Variants in PDE7B observed in about 807,000 individuals in gnomAD.
PDE7B encodes 3',5'-cyclic-AMP phosphodiesterase 7B.
Under a neutral mutation model 56.2 loss-of-function variants are expected in PDE7B, and 29 were observed. That is an observed-to-expected ratio of 0.52 (90% CI 0.38 to 0.70). The LOEUF (loss-of-function observed/expected upper bound fraction) is 0.70. Among genes scored for constraint, PDE7B ranks in the 30% least tolerant of loss-of-function variants. The pLI, the probability that PDE7B is intolerant of heterozygous loss-of-function variation, is 0.00. For missense variants in PDE7B, 490 were observed against 565.0 expected (o/e 0.87, Z 1.35); for synonymous variants, 197 against 196.9 (o/e 1.00, Z 0.00).
At chr6:136,108,684 C>A in intron 2 of PDE7B, 47 bp from the exon 3 acceptor site, 1 of 1,193,008 alleles carries the variant, frequency 8.4e-7, no homozygotes, top group Non-Finnish European at 1.3e-6. Flanking sequence ...AAAGTGAATG[C>A]ACGTGGCAAT....
intron 2 of PDE7B, among the ~76,000 whole-genome samples, chr6:136,003,128 A>T (rs1003222757): frequency 1.3e-5 from 2 of 152,260 alleles, no homozygotes; most frequent in African/African-American, 4.8e-5. Context: ...ATGAAGGTAG[A>T]AATAAAGATG....
At chr6:135,906,108 T>C (rs1776096633) in intron 1 of PDE7B, among the ~76,000 whole-genome samples, 1 of 152,142 alleles carries the variant, frequency 6.6e-6, no homozygotes. Flanking sequence ...GTGCCCACAA[T>C]GACATGAGTT....
chr6:135,917,364 C>A (rs960082988), intron 1 of PDE7B, among the ~76,000 whole-genome samples: 1 of 151,808 alleles, frequency 6.6e-6, no homozygotes, highest in African/African-American at 2.4e-5. Flanking sequence ...TCTTCTGCAG[C>A]GTCACGTCTG....
chr6:135,934,762 AATATATATATATATTTATTAT>A (rs1392204285), intron 1 of PDE7B, among the ~76,000 whole-genome samples: 1 of 80,854 alleles, frequency 1.2e-5, no homozygotes, highest in Non-Finnish European at 2.7e-5. Flanking sequence ...ATATTTTTTA[AATATATATATATATTTATTAT>A]ATATATATTT....
At chr6:135,956,613 T>C (rs1376174634) in intron 2 of PDE7B, among the ~76,000 whole-genome samples, 1 of 151,954 alleles carries the variant, frequency 6.6e-6, no homozygotes, top group Non-Finnish European at 1.5e-5. Context: ...ACTCCATCTC[T>C]ACAAAAAATA....
chr6:135,973,502 G>T (rs1036451021), intron 2 of PDE7B, among the ~76,000 whole-genome samples: 1 of 152,170 alleles, frequency 6.6e-6, no homozygotes, highest in Non-Finnish European at 1.5e-5. Flanking sequence ...TAATGGGGTT[G>T]CAGGATAGTA....
intron 8 of PDE7B, among the ~76,000 whole-genome samples, chr6:136,167,723 A>G (rs1346774763): frequency 6.6e-6 from 1 of 152,220 alleles, no homozygotes; most frequent in African/African-American, 2.4e-5. Flanking sequence ...TGCCTAGAAC[A>G]TAGTAAGTGC....
At chr6:136,147,910 T>C (rs1778443207) in intron 4 of PDE7B, among the ~76,000 whole-genome samples, 1 of 152,232 alleles carries the variant, frequency 6.6e-6, no homozygotes, top group South Asian at 2.1e-4. Context: ...CTATCAACTC[T>C]TAATTCTACT....
chr6:136,009,110 G>GT (rs1201047660), intron 2 of PDE7B, among the ~76,000 whole-genome samples: 2 of 151,838 alleles, frequency 1.3e-5, no homozygotes, highest in African/African-American at 4.8e-5. Context: ...CCCAGTTCTT[G>GT]TTTTTTTCAG....
intron 1 of PDE7B, among the ~76,000 whole-genome samples, chr6:135,919,158 C>T (rs1245016570): frequency 6.6e-6 from 1 of 152,192 alleles, no homozygotes; most frequent in Non-Finnish European, 1.5e-5. Context: ...AAGAACTCCT[C>T]TGGCTATAAT....
At chr6:135,868,900 C>G (rs1296949558) in intron 1 of PDE7B, among the ~76,000 whole-genome samples, 1 of 152,158 alleles carries the variant, frequency 6.6e-6, no homozygotes, top group Admixed American at 6.6e-5. Flanking sequence ...TGTTTTTTGA[C>G]TATGACAGTC....
chr6:135,863,656 G>A (rs1284052537), intron 1 of PDE7B, among the ~76,000 whole-genome samples: 2 of 150,400 alleles, frequency 1.3e-5, no homozygotes, highest in East Asian at 1.9e-4. Flanking sequence ...ACTTCCTGGC[G>A]AATTGAAATT....
intron 1 of PDE7B, among the ~76,000 whole-genome samples, chr6:135,929,761 T>G (rs941793608): frequency 2.6e-5 from 4 of 152,200 alleles, no homozygotes; most frequent in African/African-American, 9.7e-5. Context: ...CGAGGGCGTT[T>G]AGAAGAGGCA....
At chr6:136,100,405 G>A (rs1290630333) in intron 2 of PDE7B, among the ~76,000 whole-genome samples, 4 of 152,156 alleles carry the variant, frequency 2.6e-5, no homozygotes, top group African/African-American at 9.7e-5. Context: ...CTATCCATGA[G>A]CATGGAATGT....
chr6:136,020,721 T>TTGCTATGGTCTCTA lies in PDE7B; in HGVS notation c.82+73197_82+73198insTGCTATGGTCTCTA, dbSNP rs1425867784. ...ATGGTCTCTAAATAAGCACCTATAT[T>TTGCTATGGTCTCTA]AAGAGCAAGGGACTCACCGAAAATT... is the stretch of plus-strand genomic sequence containing the variant. On this transcript the variant is annotated intron_variant, in intron 2 of 12. Transcript: ENST00000308191. Among the ~76,000 whole-genome samples the TTGCTATGGTCTCTA allele has an allele frequency of 1.6e-3, 251 of 152,304 alleles. 4 individuals are homozygous for TTGCTATGGTCTCTA. In the East Asian group the frequency reaches 0.028, roughly 17 times the overall value.
At chr6:136,129,981 G>A (rs1583897087) in intron 3 of PDE7B, among the ~76,000 whole-genome samples, 1 of 152,262 alleles carries the variant, frequency 6.6e-6, no homozygotes, top group East Asian at 1.9e-4. Context: ...CCACCTGAGT[G>A]GGTTTCTCTG....
chr6:136,116,209 G>T (rs990525441), intron 3 of PDE7B, among the ~76,000 whole-genome samples: 7 of 152,218 alleles, frequency 4.6e-5, no homozygotes, highest in Admixed American at 4.6e-4. Context: ...ACTGATTAAG[G>T]AGTTGCCTAT....
intron 2 of PDE7B, among the ~76,000 whole-genome samples, chr6:136,003,065 C>T (rs1437186420): frequency 6.6e-6 from 1 of 152,048 alleles, no homozygotes; most frequent in Non-Finnish European, 1.5e-5. Flanking sequence ...AACCACTCAA[C>T]TACATGGAAA....
At chr6:135,891,356 C>T (rs1248433389) in intron 1 of PDE7B, among the ~76,000 whole-genome samples, 1 of 152,144 alleles carries the variant, frequency 6.6e-6, no homozygotes, top group African/African-American at 2.4e-5. Context: ...AATCATAGAT[C>T]ATTAGGGCTA....
Sources: gnomAD v4.1 joint callset for allele counts (sites outside exome capture counted in the v4.1 genomes callset) on GRCh38, gnomAD v4.1.1 for gene constraint, MANE v1.5 for transcripts, NCBI Gene and HGNC (gene_info 2026-07-23, HGNC 2026-07-21) for gene names.